NCAPH2: variants seen among roughly 807,000 people sequenced by gnomAD.
NCAPH2 encodes condensin-2 complex subunit H2.
Under a neutral mutation model 88.6 loss-of-function variants are expected in NCAPH2, and 56 were observed. The ratio of observed to expected loss-of-function variants is 0.63; its 90% CI spans 0.51 to 0.79. The LOEUF (loss-of-function observed/expected upper bound fraction) is 0.79, where lower values mean the gene tolerates loss of function less well. NCAPH2 is among the 30% of genes least tolerant of loss of function. NCAPH2 has a pLI of 0.00. For synonymous variants in NCAPH2, 378 were observed against 313.6 expected (o/e 1.21, Z -2.17); for missense variants, 794 against 792.0 (o/e 1.00, Z -0.03).
chr22:50,512,191 G>A (rs551944175), intron 1 of NCAPH2, among the ~76,000 whole-genome samples: 172 of 152,382 alleles, frequency 1.1e-3, no homozygotes, highest in Non-Finnish European at 1.8e-3. Context: ...TGTCTGCTTA[G>A]TAGAGTGCCT....
chr22:50,522,754 G>A lies in NCAPH2; in HGVS notation c.1425+34G>A, dbSNP rs1450388435. On this transcript the variant is annotated intron_variant, in intron 17 of 19. Coordinates refer to ENST00000420993, the MANE Select transcript of NCAPH2 (RefSeq NM_152299.4). ...GGGTTAGAGGGAGACGGGGAGGGGAGGGGGACAGGTGAGCGGTGCCCAGGC... is the reference window on the plus strand; with the variant it reads ...GGGTTAGAGGGAGACGGGGAGGGGAAGGGGACAGGTGAGCGGTGCCCAGGC... 1.9e-6 allele frequency: 3 copies of A among 1,612,506 alleles called. No individual in the cohort carries two copies. In the Admixed American group the frequency reaches 5.0e-5, roughly 27 times the overall value.
chr22:50,515,448 G>A (rs183141406), intron 1 of NCAPH2, among the ~76,000 whole-genome samples: 65 of 152,302 alleles, frequency 4.3e-4, no homozygotes, highest in African/African-American at 1.5e-3. Flanking sequence ...CCAGGCTGGA[G>A]TGCAGTGGCG....
At chr22:50,512,050 T>G (rs2068798877) in intron 1 of NCAPH2, among the ~76,000 whole-genome samples, 1 of 152,214 alleles carries the variant, frequency 6.6e-6, no homozygotes, top group Non-Finnish European at 1.5e-5. Flanking sequence ...CCTTTGAAAG[T>G]GCTGGGATTG....
rs914981032 is a variant in NCAPH2, at chr22:50,517,762, C to G, written c.373C>G (p.Pro125Ala). The change falls in exon 5 of 20, where the codon CCT becomes GCT. Residue 125 changes from proline to alanine, a missense_variant. Physicochemically the swap from Pro to Ala is conservative, Grantham distance 27 (BLOSUM62 -1). Coordinates refer to ENST00000420993, the MANE Select transcript of NCAPH2 (RefSeq NM_152299.4). ...ENEFLSLDDF[P>A]DSRTNVDLKN... ...CCAGTTCCTGTCGCTGGATGACTTCCCTGACTCCCGGACTAACGTGGATCT... is the reference window on the plus strand; with the variant it reads ...CCAGTTCCTGTCGCTGGATGACTTCGCTGACTCCCGGACTAACGTGGATCT... 1.2e-6 allele frequency: 2 copies of G among 1,613,896 alleles called. No individual in the cohort carries two copies. The highest frequency in any genetic ancestry group is 2.7e-5 in the African/African-American group (2 of 74,948).
chr22:50,524,014 C>T lies in NCAPH2; in HGVS notation c.*639C>T, dbSNP rs28937868. On this transcript the variant is annotated 3_prime_UTR_variant, in exon 20 of 20. Coordinates refer to ENST00000420993, the MANE Select transcript of NCAPH2 (RefSeq NM_152299.4). ...CAGCTCGTCTGGGCAGATGTCAGGG[C>T]AGTGAGTGAAGCCAAAGTACATCAG... is the stretch of plus-strand genomic sequence containing the variant. 1 of 1,613,420 alleles carries T rather than the reference C, an allele frequency of 6.2e-7. No individual in the cohort carries two copies. Among genetic ancestry groups the T allele is most frequent in the Non-Finnish European group, 8.5e-7 (1 of 1,180,016 alleles).
chr22:50,518,413 AG>A, intron 7 of NCAPH2, 135 bp downstream of exon 7: 1 of 1,341,294 alleles, frequency 7.5e-7, no homozygotes, highest in Middle Eastern at 2.7e-4. Flanking sequence ...TAGTCTAGAC[AG>A]GTTGGCTGGT....
At chr22:50,509,985 C>T (rs1365446248) in intron 1 of NCAPH2, among the ~76,000 whole-genome samples, 2 of 152,126 alleles carry the variant, frequency 1.3e-5, no homozygotes, top group Non-Finnish European at 2.9e-5. Context: ...AGTGCAGTGG[C>T]GCGATCTGAG....
At position 50,518,676 on chromosome 22, in the gene NCAPH2, T is replaced by TG; in HGVS notation, c.676dup (p.Glu226GlyfsTer44). 1 of 1,609,610 alleles carries TG rather than the reference T, an allele frequency of 6.2e-7. No homozygotes were observed. Among genetic ancestry groups the TG allele is most frequent in the Non-Finnish European group, 8.5e-7 (1 of 1,178,870 alleles). ...ACCGGGAGGACTGAGGAGCAGCCAA[T>TG]GGAAGTTTCCGTGTGCAGGAGCCCT... On this transcript the variant is annotated frameshift_variant, in exon 8 of 20. Coordinates refer to ENST00000420993, the MANE Select transcript of NCAPH2 (RefSeq NM_152299.4). LOFTEE classifies it high-confidence loss of function.
intron 19 of NCAPH2, 30 bp from the exon 20 acceptor site, chr22:50,523,205 C>T (rs756603357): frequency 6.2e-7 from 1 of 1,613,610 alleles, no homozygotes; most frequent in South Asian, 1.1e-5. Context: ...GAGACGGTCC[C>T]CAGACCCTGC....
chr22:50,515,911 C>T (rs1467096591), intron 1 of NCAPH2: 10 of 728,422 alleles, frequency 1.4e-5, no homozygotes, highest in Middle Eastern at 3.0e-4. Context: ...GCAGCTTGGG[C>T]ATGGGATGAA....
chr22:50,523,602 T>C lies in NCAPH2; in HGVS notation c.*227T>C, dbSNP rs1455083868. The C allele has an allele frequency of 1.9e-6, 3 of 1,612,752 alleles. No individual in the cohort carries two copies. Among genetic ancestry groups the C allele is most frequent in the Non-Finnish European group, 2.5e-6 (3 of 1,179,754 alleles). ...GCCCGTTTAATGATGGGGCCCAGAC[T>C]GCAGTGGCTCAAGACAGGACACTGC... On this transcript the variant is annotated 3_prime_UTR_variant, in exon 20 of 20. Transcript: ENST00000420993.
At position 50,522,989 on chromosome 22, in the gene NCAPH2, G is replaced by T. The variant is rs182548610; in HGVS notation, c.1528-28G>T. The T allele has an allele frequency of 1.9e-6, 3 of 1,606,704 alleles. No homozygotes were observed. The African/African-American group carries it at 4.0e-5, about 21-fold the overall frequency. ...TCTGTCCAGGGCCTTGCCTCTCTCC[G>T]CAGCCAACATGCCCCTCCCCTGTGC... On this transcript the variant is annotated intron_variant, in intron 18 of 19. Coordinates refer to ENST00000420993, the MANE Select transcript of NCAPH2 (RefSeq NM_152299.4).
chr22:50,523,513 A>T lies in NCAPH2; in HGVS notation c.*138A>T. ...CCCTTTTATGTACACCTGCGCAGAG[A>T]AGAGGGCTGCCTGGCCTCCCTGGGC... On this transcript the variant is annotated 3_prime_UTR_variant, in exon 20 of 20. Transcript: ENST00000420993. 1 of 1,552,866 alleles carries T rather than the reference A, an allele frequency of 6.4e-7. No homozygotes were observed. The highest frequency in any genetic ancestry group is 8.7e-7 in the Non-Finnish European group (1 of 1,144,190).
At position 50,524,254 on chromosome 22, in the gene NCAPH2, T is replaced by C; in HGVS notation, c.*879T>C. The C allele has an allele frequency of 6.2e-7, 1 of 1,605,308 alleles. No homozygotes were observed. The highest frequency in any genetic ancestry group is 1.1e-5 in the South Asian group (1 of 91,046). On this transcript the variant is annotated 3_prime_UTR_variant, in exon 20 of 20. Coordinates refer to ENST00000420993, the MANE Select transcript of NCAPH2 (RefSeq NM_152299.4). Reference sequence around the variant, plus strand: ...CAGCCGGGTTCGAAGCCCAGGGCCCTGGGGCTGGCCCTGCCCACCTGTCTC... The same window carrying C: ...CAGCCGGGTTCGAAGCCCAGGGCCCCGGGGCTGGCCCTGCCCACCTGTCTC...
At position 50,523,741 on chromosome 22, in the gene NCAPH2, T is replaced by C. The variant is rs760947700; in HGVS notation, c.*366T>C. The C allele has an allele frequency of 1.9e-6, 3 of 1,613,956 alleles. No individual in the cohort carries two copies. Among genetic ancestry groups the C allele is most frequent in the Admixed American group, 3.3e-5 (2 of 59,992 alleles). ...GTTGAGCAGGTAGATGGCAATGGAG[T>C]GGTCCACGATGTAGTCCTGGTCCTC... On this transcript the variant is annotated 3_prime_UTR_variant, in exon 20 of 20. Coordinates refer to ENST00000420993, the MANE Select transcript of NCAPH2 (RefSeq NM_152299.4).
intron 9 of NCAPH2, chr22:50,519,815 A>C: frequency 1.1e-6 from 1 of 917,036 alleles, no homozygotes; most frequent in Non-Finnish European, 1.3e-6. Context: ...GATATTTGTC[A>C]TATTCTATTC....
chr22:50,519,905 C>G, intron 9 of NCAPH2: 1 of 490,758 alleles, frequency 2.0e-6, no homozygotes, highest in Non-Finnish European at 2.6e-6. Context: ...GAGTTTTGCT[C>G]TGTCCCCCAG....
rs750201844 is a variant in NCAPH2 at position 50,517,399 on chromosome 22, G to A, written c.211-28G>A. 7.4e-6 allele frequency: 12 copies of A among 1,613,300 alleles called. 1 individual carries two copies. The Admixed American group carries it at 1.3e-4, about 18-fold the overall frequency. On this transcript the variant is annotated intron_variant, in intron 2 of 19. Transcript: ENST00000420993. Reference sequence around the variant, plus strand: ...TTGGGGGTGGGCCCCTCCTTTCTGGGTCCTCACTGCCTGCATCTGGTCACC... The same window carrying A: ...TTGGGGGTGGGCCCCTCCTTTCTGGATCCTCACTGCCTGCATCTGGTCACC...
intron 1 of NCAPH2, chr22:50,515,901 G>A: frequency 1.3e-6 from 1 of 793,362 alleles, no homozygotes; most frequent in Non-Finnish European, 1.8e-6. Flanking sequence ...CTTATGGTTG[G>A]CAGCTTGGGC....
Sources: gnomAD v4.1 joint callset for allele counts (sites outside exome capture counted in the v4.1 genomes callset) on GRCh38, gnomAD v4.1.1 for gene constraint, MANE v1.5 for transcripts, NCBI Gene and HGNC (gene_info 2026-07-23, HGNC 2026-07-21) for gene names.